NRXN1: variants seen among roughly 807,000 people sequenced by gnomAD.
The protein encoded by NRXN1 is neurexin 1.
In NRXN1, 39 loss-of-function variants were observed where a neutral mutation model predicts 150.9. The ratio of observed to expected loss-of-function variants is 0.26; its 90% CI spans 0.20 to 0.34. The LOEUF is 0.34. NRXN1 is among the 10% of genes least tolerant of loss of function. NRXN1 has a pLI of 1.00. For missense variants in NRXN1, 1,815 were observed against 1,949.9 expected (o/e 0.93, Z 1.30); for synonymous variants, 924 against 757.0 (o/e 1.22, Z -3.62).
chr2:50,262,673 A>C (rs2068412039), intron 17 of NRXN1, among the ~76,000 whole-genome samples: 1 of 151,984 alleles, frequency 6.6e-6, no homozygotes, highest in African/African-American at 2.4e-5. Flanking sequence ...TCATTACCCT[A>C]TTCTAGCAGT....
intron 17 of NRXN1, among the ~76,000 whole-genome samples, chr2:50,388,655 G>T (rs763815249): frequency 3.3e-5 from 5 of 152,056 alleles, no homozygotes; most frequent in African/African-American, 4.8e-5. Flanking sequence ...ATAATTTTAT[G>T]CTCCTTAGAT....
At chr2:49,959,231 T>C (rs1483980003) in intron 21 of NRXN1, among the ~76,000 whole-genome samples, 2 of 152,164 alleles carry the variant, frequency 1.3e-5, no homozygotes, top group East Asian at 3.9e-4. Flanking sequence ...TGTGTTCCAC[T>C]GAGTTGGCTG....
rs79886256 is a variant in NRXN1, at chr2:50,878,205, A to T, written c.832+43664T>A. 8.5e-3 allele frequency among the ~76,000 whole-genome samples: 1,300 copies of T among 152,112 alleles called. 15 individuals are homozygous for T. Among genetic ancestry groups the T allele is most frequent in the African/African-American group, 0.029 (1,217 of 41,544 alleles). On this transcript the variant is annotated intron_variant, in intron 5 of 22. Transcript: ENST00000401669. ...AATTTAAAAGAGGAAAAACTAATGC[A>T]TTCTAAATTCTACATTACCAGAGCC...
chr2:50,312,369 G>A (rs1201412272), intron 17 of NRXN1, among the ~76,000 whole-genome samples: 2 of 151,736 alleles, frequency 1.3e-5, no homozygotes, highest in Non-Finnish European at 1.5e-5. Flanking sequence ...AATTTTGCAG[G>A]CACTTGATGT....
chr2:50,481,756 G>C (rs200467270), intron 15 of NRXN1, among the ~76,000 whole-genome samples: 2 of 67,660 alleles, frequency 3.0e-5, no homozygotes, highest in African/African-American at 6.8e-5. Context: ...CTGAACTTTT[G>C]TTTCTTTTTT....
At chr2:51,026,790 T>C (rs544891666) in intron 2 of NRXN1, among the ~76,000 whole-genome samples, 1 of 152,312 alleles carries the variant, frequency 6.6e-6, no homozygotes, top group African/African-American at 2.4e-5. Flanking sequence ...ACCGCATAAA[T>C]GACAAAATTT....
chr2:51,019,739 G>A (rs1289862163), intron 2 of NRXN1, among the ~76,000 whole-genome samples: 1 of 151,984 alleles, frequency 6.6e-6, no homozygotes, highest in African/African-American at 2.4e-5. Context: ...TAGGATTTGT[G>A]CTCCGTGGAT....
intron 5 of NRXN1, among the ~76,000 whole-genome samples, chr2:50,893,010 A>G (rs1023732007): frequency 1.3e-5 from 2 of 152,128 alleles, no homozygotes; most frequent in Admixed American, 1.3e-4. Flanking sequence ...TCACCCAAAC[A>G]AGAACTCCTC....
intron 9 of NRXN1, among the ~76,000 whole-genome samples, chr2:50,547,287 T>C (rs955448498): frequency 6.9e-6 from 1 of 144,314 alleles, no homozygotes; most frequent in Non-Finnish European, 1.5e-5. Context: ...CAATGTGTAA[T>C]GATGGTTTAC....
chr2:50,127,303 C>T lies in NRXN1; in HGVS notation c.3547-35809G>A, dbSNP rs542165587. Among the ~76,000 whole-genome samples, 645 of 152,112 alleles carry T rather than the reference C, an allele frequency of 4.2e-3. 2 individuals carry two copies. Among genetic ancestry groups the T allele is most frequent in the Middle Eastern group, 0.017 (5 of 294 alleles). On this transcript the variant is annotated intron_variant, in intron 18 of 22. Coordinates refer to ENST00000401669, the MANE Select transcript of NRXN1 (RefSeq NM_001330078.2). The stretch of plus-strand genomic sequence containing the variant: ...ACTTTACATTTACACCAAAACACTG[C>T]GCTATTTTTTATAAATATCAGCCAA...
chr2:50,646,562 G>A (rs912462226), intron 5 of NRXN1, among the ~76,000 whole-genome samples: 5 of 151,884 alleles, frequency 3.3e-5, no homozygotes, highest in African/African-American at 1.2e-4. Context: ...ATCTTTCTAT[G>A]GGAGGACAAA....
chr2:50,591,381 C>CAGATAGATAGATAGATAGAT (rs59774040), intron 8 of NRXN1, among the ~76,000 whole-genome samples: 9 of 134,826 alleles, frequency 6.7e-5, no homozygotes, highest in Admixed American at 2.3e-4. Context: ...CACTATATAT[C>CAGATAGATAGATAGATAGAT]AGATAGATAG....
chr2:50,943,319 GT>G (rs1689787444), intron 2 of NRXN1, among the ~76,000 whole-genome samples: 1 of 152,094 alleles, frequency 6.6e-6, no homozygotes, highest in Non-Finnish European at 1.5e-5. Context: ...AGTAATGGTG[GT>G]TTTTGCAATT....
At chr2:50,359,885 C>G (rs1444848258) in intron 17 of NRXN1, among the ~76,000 whole-genome samples, 1 of 152,152 alleles carries the variant, frequency 6.6e-6, no homozygotes, top group Non-Finnish European at 1.5e-5. Context: ...CAAATGGAAG[C>G]CCATCACACT....
chr2:50,691,241 G>A (rs1692028560), intron 5 of NRXN1, among the ~76,000 whole-genome samples: 1 of 152,072 alleles, frequency 6.6e-6, no homozygotes, highest in African/African-American at 2.4e-5. Context: ...AAATAAAGGA[G>A]GTATCTGACA....
intron 17 of NRXN1, among the ~76,000 whole-genome samples, chr2:50,280,737 G>T (rs935407932): frequency 1.3e-5 from 2 of 152,070 alleles, no homozygotes; most frequent in African/African-American, 4.8e-5. Context: ...TGATAGCTTG[G>T]GATCTCCCTC....
At chr2:50,489,425 T>C (rs1272399311) in intron 15 of NRXN1, among the ~76,000 whole-genome samples, 1 of 152,110 alleles carries the variant, frequency 6.6e-6, no homozygotes, top group African/African-American at 2.4e-5. Context: ...GCAGATTTCT[T>C]TTCAGTGTGT....
intron 5 of NRXN1, among the ~76,000 whole-genome samples, chr2:50,770,368 C>G (rs1485098487): frequency 6.6e-6 from 1 of 150,402 alleles, no homozygotes; most frequent in African/African-American, 2.4e-5. Context: ...AGATTTTTTC[C>G]CCTTTCAAGA....
intron 2 of NRXN1, among the ~76,000 whole-genome samples, chr2:51,000,165 T>C (rs1699850790): frequency 1.3e-5 from 2 of 151,984 alleles, no homozygotes; most frequent in African/African-American, 4.8e-5. Flanking sequence ...ACATGGAGTA[T>C]TCTCGCTCAG....
Sources: allele counts gnomAD v4.1 joint callset (sites outside exome capture counted in the v4.1 genomes callset), GRCh38; gene constraint gnomAD v4.1.1; transcripts MANE v1.5; gene names NCBI Gene and HGNC (gene_info 2026-07-23, HGNC 2026-07-21).